The following KANSL1L variants were observed in gnomAD, a reference collection of about 807,000 sequenced individuals.
KANSL1L encodes the protein KAT8 regulatory NSL complex subunit 1-like protein.
In KANSL1L, 25 loss-of-function variants were observed where a neutral mutation model predicts 108.6. That is an observed-to-expected ratio of 0.23 (90% CI 0.17 to 0.32). The LOEUF is 0.32. KANSL1L is among the 10% of genes least tolerant of loss of function. KANSL1L has a pLI of 1.00. For synonymous variants in KANSL1L, 405 were observed against 395.1 expected (o/e 1.03, Z -0.30); for missense variants, 1,137 against 1,125.7 (o/e 1.01, Z -0.14).
At chr2:210,115,436 C>T (rs992802774) in intron 3 of KANSL1L, among the ~76,000 whole-genome samples, 15 of 152,056 alleles carry the variant, frequency 9.9e-5, no homozygotes, top group Non-Finnish European at 1.3e-4. Context: ...AAATAAACAA[C>T]TTGTTGAGAT....
At chr2:210,080,640 C>T (rs2094582063) in intron 5 of KANSL1L, among the ~76,000 whole-genome samples, 2 of 152,326 alleles carry the variant, frequency 1.3e-5, no homozygotes, top group South Asian at 4.1e-4. Context: ...CTAACTGACA[C>T]CAAGTAGCCA....
intron 3 of KANSL1L, among the ~76,000 whole-genome samples, chr2:210,112,146 A>G (rs1029257156): frequency 2.6e-5 from 4 of 152,146 alleles, no homozygotes; most frequent in Non-Finnish European, 5.9e-5. Context: ...TTGGACATTT[A>G]GGTTGGTTCC....
At chr2:210,141,691 T>A (rs1009866656) in intron 2 of KANSL1L, among the ~76,000 whole-genome samples, 4 of 152,196 alleles carry the variant, frequency 2.6e-5, no homozygotes, top group Non-Finnish European at 5.9e-5. Context: ...GCCACTAAAT[T>A]GGATGTTAAC....
At chr2:210,027,234 A>C in intron 12 of KANSL1L, 62 bp downstream of exon 12, 1 of 1,104,026 alleles carries the variant, frequency 9.1e-7, no homozygotes, top group Non-Finnish European at 1.4e-6. Flanking sequence ...CCTGAATGTC[A>C]AAGTAAGCAG....
Position 210,132,503 on chromosome 2 carries a change from T to G in KANSL1L, c.1089-3331A>C, listed in dbSNP as rs556510310. On this transcript the variant is annotated intron_variant, in intron 2 of 14. Transcript: ENST00000281772. The stretch of plus-strand genomic sequence containing the variant: ...AGAGATCACTCATTCCCCAGAAAGG[T>G]AGCATTATGACTTCAATTCCCATCC... Among the ~76,000 whole-genome samples, 34 of 152,262 alleles carry G rather than the reference T, an allele frequency of 2.2e-4. No homozygotes were observed. In the South Asian group the frequency reaches 3.9e-3, roughly 18 times the overall value.
chr2:210,055,958 T>C (rs1400979724), intron 6 of KANSL1L, among the ~76,000 whole-genome samples: 1 of 152,250 alleles, frequency 6.6e-6, no homozygotes, highest in African/African-American at 2.4e-5. Flanking sequence ...GGAAAATGTT[T>C]CCACCTCATG....
At chr2:210,031,244 T>G (rs183238463) in intron 9 of KANSL1L, 177 bp downstream of exon 9, 57 of 521,814 alleles carry the variant, frequency 1.1e-4, no homozygotes, top group Admixed American at 3.1e-4. Context: ...TAGATACCAG[T>G]CCACAAATAA....
intron 8 of KANSL1L, among the ~76,000 whole-genome samples, chr2:210,038,344 A>T (rs1039844015): frequency 1.3e-5 from 2 of 152,066 alleles, no homozygotes; most frequent in Non-Finnish European, 2.9e-5. Flanking sequence ...TTATAAAAAA[A>T]TACGTAGTTT....
At chr2:210,166,285 G>C (rs766768368) in intron 1 of KANSL1L, among the ~76,000 whole-genome samples, 1 of 152,006 alleles carries the variant, frequency 6.6e-6, no homozygotes, top group Non-Finnish European at 1.5e-5. Flanking sequence ...ATCCTCAAAA[G>C]GTGCATGTAC....
In KANSL1L at chr2:210,051,930, A is replaced by G. The variant is rs531522430; in HGVS notation, c.1756-7826T>C. On this transcript the variant is annotated intron_variant, in intron 6 of 14. Coordinates refer to ENST00000281772, the MANE Select transcript of KANSL1L (RefSeq NM_152519.4). ...TGTTCTGGGAGATTTATTTGACTCT[A>G]TTTTCTAGTTCTTATACTAAAAAAT... Among the ~76,000 whole-genome samples the G allele has an allele frequency of 3.5e-5, 5 of 141,912 alleles. No individual in the cohort carries two copies. In the South Asian group the frequency reaches 1.1e-3, roughly 32 times the overall value. The allele number at this position is 141,912 out of a possible 152,430, so 93.1% of individuals were successfully genotyped here. A position where few individuals can be genotyped will look rare whatever the true frequency, so the allele number is the denominator to read the frequency against.
chr2:210,136,602 A>G (rs927308721), intron 2 of KANSL1L, among the ~76,000 whole-genome samples: 1 of 152,164 alleles, frequency 6.6e-6, no homozygotes, highest in Admixed American at 6.6e-5. Flanking sequence ...CAACCATGTA[A>G]TGTTTTCAAA....
chr2:210,044,085 G>A lies in KANSL1L; in HGVS notation c.1775C>T (p.Thr592Ile), dbSNP rs762421225. 2.8e-5 allele frequency: 44 copies of A among 1,585,180 alleles called. No homozygotes were observed. The highest frequency in any genetic ancestry group is 2.3e-5 in the Non-Finnish European group (27 of 1,167,128). Residue 592 changes from threonine to isoleucine, a missense_variant, in exon 7 of 15, where the codon ACA becomes ATA. This residue lies in a region of KANSL1L where 575 missense variants were observed against 567.1 expected (regional missense o/e 1.01). Coordinates refer to ENST00000281772, the MANE Select transcript of KANSL1L (RefSeq NM_152519.4). The surrounding 1 kb of genome is among the most constrained non-coding windows in gnomAD (Gnocchi z 4.2). The part of the protein sequence containing the change: ...WTPQTLPSKE[T>I]AFLNTTQMPC... ...CATTTGTGTAGTGTTTAAAAATGCT[G>A]TTTCTTTTGAAGGCAAAGTCTGCAA...
At chr2:210,134,667 C>A (rs577775706) in intron 2 of KANSL1L, among the ~76,000 whole-genome samples, 1 of 152,184 alleles carries the variant, frequency 6.6e-6, no homozygotes, top group East Asian at 1.9e-4. Flanking sequence ...GGTGGATAGT[C>A]TGAGGAAAAT....
rs201573081 is a variant in KANSL1L, at chr2:210,129,010, A to G, written c.1230+21T>C. On this transcript the variant is annotated intron_variant, in intron 3 of 14. Coordinates refer to ENST00000281772, the MANE Select transcript of KANSL1L (RefSeq NM_152519.4). The stretch of plus-strand genomic sequence containing the variant: ...CATTAACAATTTTTAACAAAAGTAG[A>G]AGAACACAGACAGACAATACCTTGG... 5.2e-4 allele frequency: 832 copies of G among 1,586,750 alleles called. 15 individuals are homozygous for G. In the South Asian group the frequency reaches 6.4e-3, roughly 12 times the overall value.
In KANSL1L at chr2:210,025,200, T is replaced by C; in HGVS notation, c.2468A>G (p.Asp823Gly). 1 of 1,573,296 alleles carries C rather than the reference T, an allele frequency of 6.4e-7. No individual in the cohort carries two copies. Among genetic ancestry groups the C allele is most frequent in the Non-Finnish European group, 8.8e-7 (1 of 1,142,760 alleles). The change falls in exon 13 of 15, where the codon GAT (aspartate) becomes GGT (glycine). Residue 823 changes from aspartate to glycine, a missense_variant. Around this residue, in one of 3 missense-constraint regions of KANSL1L, gnomAD observed 575 missense variants for 567.1 expected, o/e 1.01. Transcript: ENST00000281772. ...TTTGTGCCTTAGGGAGAAGACTTCA[T>C]CAGAAAGATCTTCTATCTGGAATTA... is the stretch of plus-strand genomic sequence containing the variant. ...LGKEEIEDLS[D>G]EVFSLRHKKY...
intron 6 of KANSL1L, among the ~76,000 whole-genome samples, chr2:210,067,909 G>C (rs1413929882): frequency 6.6e-6 from 1 of 151,592 alleles, no homozygotes; most frequent in African/African-American, 2.4e-5. Flanking sequence ...ATGGAGTCTT[G>C]CTCTGTTGCC....
intron 9 of KANSL1L, 82 bp downstream of exon 9, chr2:210,031,339 C>A: frequency 1.1e-6 from 1 of 937,416 alleles, no homozygotes. Flanking sequence ...GGATTATAAA[C>A]TCCCATGAGA....
At chr2:210,098,265 C>G in intron 4 of KANSL1L, 58 bp from the exon 5 acceptor site, 2 of 1,547,320 alleles carry the variant, frequency 1.3e-6, no homozygotes, top group South Asian at 1.2e-5. Context: ...AGTTAAAGCT[C>G]AGATGCATAG....
upstream of KANSL1L, among the ~76,000 whole-genome samples, chr2:210,172,538 C>T (rs1192350657): frequency 6.6e-6 from 1 of 152,164 alleles, no homozygotes. Flanking sequence ...TTATGACCAG[C>T]TGCATTTATT....
Sources: gnomAD v4.1 joint callset for allele counts (sites outside exome capture counted in the v4.1 genomes callset) on GRCh38, gnomAD v4.1.1 for gene constraint, gnomAD v4.1.1 regional missense constraint, Gnocchi (gnomAD v3.1) non-coding constraint, MANE v1.5 for transcripts, NCBI Gene and HGNC (gene_info 2026-07-23, HGNC 2026-07-21) for gene names.